Variants in GALK2 observed in about 807,000 individuals in gnomAD.
GALK2 encodes the protein N-acetylgalactosamine kinase.
In GALK2, 36 loss-of-function variants were observed where a neutral mutation model predicts 52.4. The ratio of observed to expected loss-of-function variants is 0.69; its 90% CI spans 0.53 to 0.91. GALK2 has a LOEUF of 0.91. GALK2 is among the 40% of genes least tolerant of loss of function. GALK2 has a pLI of 0.00. For synonymous variants in GALK2, 176 were observed against 199.1 expected (o/e 0.88, Z 0.98); for missense variants, 579 against 559.1 (o/e 1.04, Z -0.36).
intron 3 of GALK2, among the ~76,000 whole-genome samples, chr15:49,224,742 A>G (rs2090031610): frequency 1.3e-5 from 2 of 152,172 alleles, no homozygotes; most frequent in Non-Finnish European, 2.9e-5. Flanking sequence ...ATAGCCTTGT[A>G]GTATAATTTG....
At chr15:49,155,819 G>C in exon 1 of GALK2, 1 of 724,312 alleles carries the variant, frequency 1.4e-6, no homozygotes, top group Non-Finnish European at 2.3e-6. Flanking sequence ...CTGGGACATC[G>C]TCCGGTGCTG....
intron 1 of GALK2, chr15:49,156,480 A>AGATT (rs780175311): frequency 2.7e-5 from 13 of 482,304 alleles, no homozygotes; most frequent in Non-Finnish European, 4.9e-5. Context: ...ATTAAGGGAG[A>AGATT]GATTGCTCGT....
intron 5 of GALK2, among the ~76,000 whole-genome samples, chr15:49,246,326 A>G (rs1172141882): frequency 6.6e-6 from 1 of 152,172 alleles, no homozygotes; most frequent in Non-Finnish European, 1.5e-5. Context: ...AGTCTTGGGT[A>G]GTAAGGTGTG....
intron 2 of GALK2, among the ~76,000 whole-genome samples, chr15:49,203,253 G>A (rs897044375): frequency 6.6e-6 from 1 of 152,040 alleles, no homozygotes; most frequent in African/African-American, 2.4e-5. Context: ...GTTTCACCAT[G>A]TTGGCCAGGA....
intron 1 of GALK2, among the ~76,000 whole-genome samples, chr15:49,194,892 G>T (rs1342249807): frequency 6.6e-6 from 1 of 151,960 alleles, no homozygotes; most frequent in Non-Finnish European, 1.5e-5. Flanking sequence ...ACCGTGCCTG[G>T]CTACATATTT....
At chr15:49,277,183 T>G (rs2031905171) in intron 5 of GALK2, among the ~76,000 whole-genome samples, 3 of 38,010 alleles carry the variant, frequency 7.9e-5, no homozygotes, top group Non-Finnish European at 1.4e-4. Context: ...TTTTTTTTTT[T>G]TTTGAGACGG....
rs1422705484 is a variant in GALK2, at chr15:49,328,613, T to C, written c.*454T>C. Reference sequence around the variant, plus strand: ...AGTTGTAGTTGTCTGTTGATGATGGTGATGATGATGATGATGACGATAGTG... The same window carrying C: ...AGTTGTAGTTGTCTGTTGATGATGGCGATGATGATGATGATGACGATAGTG... On this transcript the variant is annotated 3_prime_UTR_variant, in exon 10 of 10. Transcript: ENST00000560031. The C allele has an allele frequency of 4.5e-6, 7 of 1,562,666 alleles. No individual in the cohort carries two copies. The highest frequency in any genetic ancestry group is 6.1e-6 in the Non-Finnish European group (7 of 1,149,446).
intron 3 of GALK2, among the ~76,000 whole-genome samples, chr15:49,221,043 C>T (rs2439132): frequency 0.093 from 14,145 of 152,206 alleles, 1,979 homozygotes; most frequent in African/African-American, 0.31. Flanking sequence ...TGTCTCCCCA[C>T]TCTGTTGATT....
intron 3 of GALK2, among the ~76,000 whole-genome samples, chr15:49,361,306 G>T (rs963126354): frequency 6.6e-6 from 1 of 152,048 alleles, no homozygotes; most frequent in Non-Finnish European, 1.5e-5. Flanking sequence ...TAGGTAAATT[G>T]ATGTTACAGG....
At chr15:49,184,244 G>T (rs1480461717) in intron 1 of GALK2, among the ~76,000 whole-genome samples, 3 of 146,970 alleles carry the variant, frequency 2.0e-5, no homozygotes, top group Non-Finnish European at 4.5e-5. Flanking sequence ...TCTTCTTATA[G>T]TTTTTTTTTT....
chr15:49,210,740 C>G (rs548460842), intron 2 of GALK2, among the ~76,000 whole-genome samples: 1 of 151,964 alleles, frequency 6.6e-6, no homozygotes, highest in East Asian at 1.9e-4. Flanking sequence ...CGTGCCTGGT[C>G]TATTTTATTT....
At chr15:49,361,210 A>T (rs1348343168) in intron 3 of GALK2, among the ~76,000 whole-genome samples, 1 of 152,190 alleles carries the variant, frequency 6.6e-6, no homozygotes, top group Admixed American at 6.5e-5. Flanking sequence ...AAATTAATTT[A>T]AAAAACTTAA....
In GALK2 at chr15:49,254,227, T is replaced by G. The variant is rs987910423; in HGVS notation, c.504+14860T>G. Among the ~76,000 whole-genome samples, 2 of 143,638 alleles carry G rather than the reference T, an allele frequency of 1.4e-5. 1 individual carries two copies. Among genetic ancestry groups the G allele is most frequent in the African/African-American group, 5.0e-5 (2 of 40,130 alleles). 94.2% of individuals were successfully genotyped at this position (143,638 alleles called of 152,430 possible). ...TATATTTGGATGAATTAACAACTGG[T>G]TGTTAATTTTGACTGTATTTATATA... On this transcript the variant is annotated intron_variant, in intron 5 of 9. Transcript: ENST00000560031.
chr15:49,318,968 TGAGACGGA>T, intron 8 of GALK2: 2 of 449,192 alleles, frequency 4.5e-6, no homozygotes, highest in Non-Finnish European at 8.9e-6. Flanking sequence ...TTTTTTTTTT[TGAGACGGA>T]GTCGTGCTCT....
At chr15:49,304,572 A>G (rs1176674359) in intron 8 of GALK2, among the ~76,000 whole-genome samples, 4 of 152,208 alleles carry the variant, frequency 2.6e-5, no homozygotes, top group Non-Finnish European at 4.4e-5. Context: ...CGATTGGCCA[A>G]AGCCAGTCAG....
At position 49,292,506 on chromosome 15, in the gene GALK2, A is replaced by G; in HGVS notation, c.936A>G (p.Arg312=). Residue 312 remains arginine (R), a synonymous_variant, in exon 8 of 10, where the codon CGA becomes CGG. Transcript: ENST00000560031. ...RCLGISLEEL[R]TQILSPNTQD... is the part of the protein sequence containing the mutation. ...TGGGAATTAGCCTGGAGGAACTCCG[A>G]ACCCAAATCCTGAGTCCAAACACTC... 6.2e-7 allele frequency: 1 copy of G among 1,614,014 alleles called. No individual in the cohort carries two copies.
chr15:49,317,828 A>G (rs2151080231), intron 8 of GALK2, among the ~76,000 whole-genome samples: 1 of 152,256 alleles, frequency 6.6e-6, no homozygotes, highest in East Asian at 1.9e-4. Context: ...CAAACACCAC[A>G]TGTTCTCACT....
chr15:49,360,642 A>G (rs1212638681), intron 3 of GALK2, among the ~76,000 whole-genome samples: 1 of 152,170 alleles, frequency 6.6e-6, no homozygotes, highest in African/African-American at 2.4e-5. Context: ...TTAAAGATAT[A>G]CCATGCATTC....
rs1009620547 is a variant in GALK2 at position 49,340,422 on chromosome 15, C to T, written c.426+20617C>T. 2.8e-3 allele frequency among the ~76,000 whole-genome samples: 401 copies of T among 143,384 alleles called. 1 individual carries two copies. The highest frequency in any genetic ancestry group is 9.6e-3 in the African/African-American group (372 of 38,816). The allele number at this position is 143,384 out of a possible 152,430, so 94.1% of individuals were successfully genotyped here. On this transcript the variant is annotated intron_variant, in intron 3 of 3. Transcript: ENST00000558399. ...TGCCCCGCCCCCCCCCTCCCCCCCC[C>T]GCTTTGCCTCGCCCTCCTTGGGCTG...
Sources: allele counts gnomAD v4.1 joint callset (sites outside exome capture counted in the v4.1 genomes callset), GRCh38; gene constraint gnomAD v4.1.1; transcripts MANE v1.5; gene names NCBI Gene and HGNC (gene_info 2026-07-23, HGNC 2026-07-21).